The following LTBP1 variants were observed in gnomAD, a reference collection of about 807,000 sequenced individuals.
LTBP1 encodes the protein latent-transforming growth factor beta-binding protein 1.
LTBP1 carries 129 observed loss-of-function variants against 207.6 expected under a neutral mutation model. The observed-to-expected ratio is 0.62, with a 90% CI of 0.54 to 0.72. The LOEUF (loss-of-function observed/expected upper bound fraction) is 0.72. LTBP1 is among the 30% of genes least tolerant of loss of function. LTBP1 has a pLI of 0.00. For missense variants in LTBP1, 2,281 were observed against 2,217.2 expected (o/e 1.03, Z -0.58); for synonymous variants, 963 against 833.7 (o/e 1.16, Z -2.67).
intron 2 of LTBP1, among the ~76,000 whole-genome samples, chr2:32,956,472 A>C (rs1678091810): frequency 1.3e-5 from 2 of 152,232 alleles, no homozygotes; most frequent in South Asian, 4.1e-4. Flanking sequence ...CATAAGAAGC[A>C]GCTCCTCATC....
chr2:33,318,789 C>G (rs551489131), intron 24 of LTBP1, among the ~76,000 whole-genome samples: 6 of 152,262 alleles, frequency 3.9e-5, no homozygotes, highest in African/African-American at 1.4e-4. Flanking sequence ...GTTTTATGGT[C>G]CATTTGATCA....
chr2:33,268,082 T>C (rs1004190359), intron 15 of LTBP1, among the ~76,000 whole-genome samples: 2 of 152,208 alleles, frequency 1.3e-5, no homozygotes, highest in African/African-American at 4.8e-5. Flanking sequence ...AAAGAATCCA[T>C]AGGGGGAACA....
chr2:33,356,151 T>C (rs898348942), intron 26 of LTBP1, among the ~76,000 whole-genome samples: 7 of 151,880 alleles, frequency 4.6e-5, no homozygotes, highest in African/African-American at 1.7e-4. Flanking sequence ...TCCATCTCCC[T>C]GATGGACTAA....
chr2:33,026,943 C>T (rs1457609357), intron 3 of LTBP1, among the ~76,000 whole-genome samples: 2 of 152,222 alleles, frequency 1.3e-5, no homozygotes, highest in African/African-American at 2.4e-5. Context: ...AGCCATCTTC[C>T]TCCTCACCGG....
At chr2:33,125,354 C>T (rs1460506899) in intron 4 of LTBP1, among the ~76,000 whole-genome samples, 1 of 152,182 alleles carries the variant, frequency 6.6e-6, no homozygotes, top group Non-Finnish European at 1.5e-5. Flanking sequence ...TTGCTCTCTG[C>T]AGCCTAGTAG....
intron 16 of LTBP1, among the ~76,000 whole-genome samples, 181 bp downstream of exon 16, chr2:33,273,962 C>G (rs1200317953): frequency 1.3e-5 from 2 of 152,142 alleles, no homozygotes; most frequent in Admixed American, 1.3e-4. Flanking sequence ...ATTCTCTTAC[C>G]TCTTTGTTCA....
intron 2 of LTBP1, among the ~76,000 whole-genome samples, chr2:32,956,407 C>T (rs1355377106): frequency 1.3e-5 from 2 of 152,340 alleles, no homozygotes; most frequent in South Asian, 2.1e-4. Context: ...ACAATGCTCA[C>T]AGCATCTTCG....
chr2:32,969,272 T>TGTGTG (rs1680494113), intron 2 of LTBP1, among the ~76,000 whole-genome samples: 16 of 149,162 alleles, frequency 1.1e-4, no homozygotes, highest in African/African-American at 2.0e-4. Flanking sequence ...TGTGTGTGTG[T>TGTGTG]TTTAATTTAA....
chr2:33,134,796 G>A lies in LTBP1; in HGVS notation c.1037G>A (p.Ser346Asn). Residue 346 changes from serine (S) to asparagine (N), a missense_variant, in exon 5 of 34, where the codon AGT becomes AAT. Ser to Asn is a conservative substitution (Grantham distance 46). This residue lies in a region of LTBP1 where 555 missense variants were observed against 491.0 expected (regional missense o/e 1.13). Coordinates refer to ENST00000404816, the MANE Select transcript of LTBP1 (RefSeq NM_206943.4). This position sits in a 1 kb window ranked among gnomAD's most constrained non-coding sequence, Gnocchi z 4.4. ...QDQVAAPFQLSNHTGRIKVVF... is the reference protein window; with the variant it reads ...QDQVAAPFQLNNHTGRIKVVF... Reference sequence around the variant, plus strand: ...TTCTCCCTGCCTCCGCTCCTAGTGAGTAACCACACTGGCCGCATCAAGGTG... The same window carrying A: ...TTCTCCCTGCCTCCGCTCCTAGTGAATAACCACACTGGCCGCATCAAGGTG... 2 of 1,614,022 alleles carry A rather than the reference G, an allele frequency of 1.2e-6. No individual in the cohort carries two copies. Among genetic ancestry groups the A allele is most frequent in the South Asian group, 2.2e-5 (2 of 91,062 alleles).
rs560032016 is a variant in LTBP1, at chr2:33,051,670, G to A, written c.863+30464G>A. Among the ~76,000 whole-genome samples, 3 of 152,298 alleles carry A rather than the reference G, an allele frequency of 2.0e-5. No individual in the cohort carries two copies. In the East Asian group the frequency reaches 5.8e-4, roughly 29 times the overall value. On this transcript the variant is annotated intron_variant, in intron 3 of 33. Coordinates refer to ENST00000404816, the MANE Select transcript of LTBP1 (RefSeq NM_206943.4). ...TTGAGGCTGCTCTTGGGTTCCCAGT[G>A]CTTGTGTTGCCAAGTTGTGTGAAGT...
At chr2:33,024,579 G>T (rs891465512) in intron 3 of LTBP1, among the ~76,000 whole-genome samples, 4 of 152,194 alleles carry the variant, frequency 2.6e-5, no homozygotes, top group African/African-American at 9.7e-5. Context: ...ACTTGATTTA[G>T]AACCAAATAC....
At chr2:33,165,151 G>T (rs1388975515) in intron 5 of LTBP1, among the ~76,000 whole-genome samples, 1 of 152,182 alleles carries the variant, frequency 6.6e-6, no homozygotes, top group African/African-American at 2.4e-5. Flanking sequence ...GAAGTGAACT[G>T]ATTGGTTGAA....
At chr2:32,953,012 G>C (rs1677420369) in intron 2 of LTBP1, among the ~76,000 whole-genome samples, 1 of 152,182 alleles carries the variant, frequency 6.6e-6, no homozygotes, top group Admixed American at 6.5e-5. Context: ...AGGGAGTGCA[G>C]GTCTGTTTTT....
At chr2:33,054,917 A>T (rs1056832250) in intron 3 of LTBP1, among the ~76,000 whole-genome samples, 1 of 152,178 alleles carries the variant, frequency 6.6e-6, no homozygotes, top group Non-Finnish European at 1.5e-5. Context: ...TTGCCTCGGC[A>T]TAGTGGACAT....
chr2:33,318,139 A>AC (rs2094299555), intron 24 of LTBP1, among the ~76,000 whole-genome samples: 2 of 151,264 alleles, frequency 1.3e-5, no homozygotes, highest in African/African-American at 4.9e-5. Context: ...AATTACCACC[A>AC]CCCCCCAAAA....
chr2:33,152,779 T>G (rs1157608861), intron 5 of LTBP1, among the ~76,000 whole-genome samples: 1 of 152,220 alleles, frequency 6.6e-6, no homozygotes, highest in Non-Finnish European at 1.5e-5. Flanking sequence ...TGTCCAATTT[T>G]GAATTGGTTT....
intron 4 of LTBP1, among the ~76,000 whole-genome samples, chr2:33,117,468 C>T (rs913558530): frequency 3.9e-5 from 6 of 152,116 alleles, no homozygotes; most frequent in East Asian, 1.9e-4. Context: ...AGAGGTTACC[C>T]GTAAGATTGT....
intron 15 of LTBP1, among the ~76,000 whole-genome samples, chr2:33,266,967 GCCCAAACCTAGGGGCT>G (rs1381021861): frequency 6.6e-6 from 1 of 152,224 alleles, no homozygotes; most frequent in East Asian, 1.9e-4. Context: ...CCTTTGGGGA[GCCCAAACCTAGGGGCT>G]CCCCAAGCCA....
In LTBP1 at chr2:33,287,116, A is replaced by G. The variant is rs547330328; in HGVS notation, c.3113-6044A>G. ...AATAAAAACAACAACAACAACAACA[A>G]CAACAACTTTTGAAAGCAGGCAGCA... On this transcript the variant is annotated intron_variant, in intron 19 of 33. Transcript: ENST00000404816. Among the ~76,000 whole-genome samples, 5 of 151,582 alleles carry G rather than the reference A, an allele frequency of 3.3e-5. No homozygotes were observed. In the South Asian group the frequency reaches 8.3e-4, roughly 25 times the overall value.
Sources: allele counts gnomAD v4.1 joint callset (sites outside exome capture counted in the v4.1 genomes callset), GRCh38; gene constraint gnomAD v4.1.1; regional missense constraint gnomAD v4.1.1; non-coding constraint Gnocchi (gnomAD v3.1); transcripts MANE v1.5; gene names NCBI Gene and HGNC (gene_info 2026-07-23, HGNC 2026-07-21).